Variants in ZNF385D observed in about 807,000 individuals in gnomAD.
The protein encoded by ZNF385D is zinc finger protein 659.
In ZNF385D, 15 loss-of-function variants were observed where a neutral mutation model predicts 35.8. The ratio of observed to expected loss-of-function variants is 0.42; its 90% CI spans 0.28 to 0.64. The LOEUF is 0.64. Ranked by LOEUF, ZNF385D falls within the 30% of genes least tolerant of loss-of-function variation. ZNF385D has a pLI of 0.23. For synonymous variants in ZNF385D, 212 were observed against 186.8 expected, an observed-to-expected ratio of 1.13 and a Z score of -1.10; for missense variants, 474 against 494.6, an observed-to-expected ratio of 0.96 and a Z score of 0.39.
At chr3:22,202,505 G>A (rs1696866243) in intron 2 of ZNF385D, among the ~76,000 whole-genome samples, 1 of 152,040 alleles carries the variant, frequency 6.6e-6, no homozygotes, top group South Asian at 2.1e-4. Context: ...ATGGCCAAAT[G>A]GAAGCTTCTA....
chr3:21,654,852 C>T (rs771175969), intron 2 of ZNF385D, among the ~76,000 whole-genome samples: 12 of 151,988 alleles, frequency 7.9e-5, no homozygotes, highest in Non-Finnish European at 1.8e-4. Flanking sequence ...TTGAGAAGTA[C>T]TGAGTCATGA....
Position 21,421,158 on chromosome 3 carries a change from GTTTTGTT to G in ZNF385D, c.*49_*55del, listed in dbSNP as rs1350710391. ...AACACTGCATAGTTCTCTTTTGTTT[GTTTTGTT>G]TTTTGTTTTTTGAAAAATTATTGCA... On this transcript the variant is annotated 3_prime_UTR_variant, in exon 8 of 8. Coordinates refer to ENST00000281523, the MANE Select transcript of ZNF385D (RefSeq NM_024697.3). The G allele has an allele frequency of 5.7e-6, 8 of 1,403,258 alleles. No individual in the cohort carries two copies. The Admixed American group carries it at 7.2e-5, about 13-fold the overall frequency. The allele number at this position is 1,403,258 out of a possible 1,614,324, so 86.9% of individuals were successfully genotyped here.
chr3:22,081,437 A>C (rs1700745630), intron 3 of ZNF385D, among the ~76,000 whole-genome samples: 1 of 152,238 alleles, frequency 6.6e-6, no homozygotes, highest in African/African-American at 2.4e-5. Flanking sequence ...ATATACTGTA[A>C]GCAAGTTTTT....
chr3:22,008,970 G>A (rs570852200), intron 3 of ZNF385D, among the ~76,000 whole-genome samples: 1 of 149,986 alleles, frequency 6.7e-6, no homozygotes, highest in Non-Finnish European at 1.5e-5. Context: ...ATGGAAGGAA[G>A]AAAATTATAA....
intron 5 of ZNF385D, among the ~76,000 whole-genome samples, chr3:21,429,427 C>A (rs56073446): frequency 0.06 from 9,137 of 151,878 alleles, 289 homozygotes; most frequent in African/African-American, 0.081. Context: ...TGTAATACAT[C>A]GAGATGATAT....
intron 2 of ZNF385D, among the ~76,000 whole-genome samples, chr3:22,324,377 C>T (rs1393040909): frequency 6.6e-6 from 1 of 152,028 alleles, no homozygotes; most frequent in Non-Finnish European, 1.5e-5. Context: ...GATATTTCAG[C>T]AAGGGGTCCA....
In ZNF385D at chr3:22,193,944, T is replaced by C. The variant is rs574474905; in HGVS notation, c.107-24909A>G. ...TTGAACTATTATCAGCATTAGGTAG[T>C]GCATTTTTTCCTTAATTTTGCTAGT... is the stretch of plus-strand genomic sequence containing the variant. On this transcript the variant is annotated intron_variant, in intron 2 of 5. Transcript: ENST00000494108. Among the ~76,000 whole-genome samples the C allele has an allele frequency of 4.6e-5, 7 of 152,138 alleles. No homozygotes were observed. The East Asian group carries it at 5.8e-4, about 13-fold the overall frequency.
intron 2 of ZNF385D, among the ~76,000 whole-genome samples, chr3:22,197,312 C>T (rs1309544181): frequency 6.6e-6 from 1 of 151,938 alleles, no homozygotes; most frequent in Non-Finnish European, 1.5e-5. Context: ...ATAGTTACAC[C>T]TGCATTAGAA....
rs561790990 is a variant in ZNF385D, at chr3:22,162,148, T to C, written c.325+6669A>G. Reference sequence around the variant, plus strand: ...CAGGTATCAAATGGAAAATAAGAGTTAAGGAAAGTATTAAATCGTGTTGCA... The same window carrying C: ...CAGGTATCAAATGGAAAATAAGAGTCAAGGAAAGTATTAAATCGTGTTGCA... On this transcript the variant is annotated intron_variant, in intron 3 of 5. Transcript: ENST00000494108. Among the ~76,000 whole-genome samples, 3 of 152,270 alleles carry C rather than the reference T, an allele frequency of 2.0e-5. No individual in the cohort carries two copies. In the South Asian group the frequency reaches 6.2e-4, roughly 32 times the overall value.
At chr3:21,812,401 G>A (rs773655099) in intron 3 of ZNF385D, among the ~76,000 whole-genome samples, 9 of 152,230 alleles carry the variant, frequency 5.9e-5, no homozygotes, top group Admixed American at 2.0e-4. Context: ...GCGGGGCACC[G>A]CCTCACCTCA....
chr3:22,186,706 A>AAT (rs908862748), intron 2 of ZNF385D, among the ~76,000 whole-genome samples: 2 of 152,054 alleles, frequency 1.3e-5, no homozygotes, highest in Non-Finnish European at 2.9e-5. Context: ...CATCTTACTT[A>AAT]ATTTCATGCT....
intron 2 of ZNF385D, among the ~76,000 whole-genome samples, chr3:22,280,710 AT>A (rs1432473685): frequency 1.3e-5 from 2 of 151,792 alleles, no homozygotes; most frequent in Admixed American, 6.6e-5. Context: ...ATGCCTCCAG[AT>A]TTGTTCTTCT....
In ZNF385D at chr3:21,420,223, C is replaced by A. The variant is rs1219233890; in HGVS notation, c.*991G>T. The A allele has an allele frequency of 5.9e-5, 9 of 152,156 alleles. No homozygotes were observed. Among genetic ancestry groups the A allele is most frequent in the Non-Finnish European group, 1.3e-4 (9 of 68,030 alleles). The allele number at this position is 152,156 out of a possible 1,614,324, so 9.4% of individuals were successfully genotyped here. A position where few individuals can be genotyped will look rare whatever the true frequency, so the allele number is the denominator to read the frequency against. On this transcript the variant is annotated 3_prime_UTR_variant, in exon 8 of 8. Coordinates refer to ENST00000281523, the MANE Select transcript of ZNF385D (RefSeq NM_024697.3). Reference sequence around the variant, plus strand: ...CTGGTATGATATAAAGGGGATACTGCAGAGATGCAACATTCTCCGTTTTTA... The same window carrying A: ...CTGGTATGATATAAAGGGGATACTGAAGAGATGCAACATTCTCCGTTTTTA...
chr3:22,006,563 T>C (rs1290606189), intron 3 of ZNF385D, among the ~76,000 whole-genome samples: 1 of 151,822 alleles, frequency 6.6e-6, no homozygotes, highest in African/African-American at 2.4e-5. Context: ...AAAAGTCGGA[T>C]CACAGATGGA....
Position 21,703,390 on chromosome 3 carries a change from T to C in ZNF385D, c.23-38362A>G, listed in dbSNP as rs146108119. On this transcript the variant is annotated intron_variant, in intron 1 of 7. Transcript: ENST00000281523. ...TATAACATGTGGGAATTCTGGGAGA[T>C]AGAATTCAGCTTGAGATTTGGGTGG... 4.2e-3 allele frequency among the ~76,000 whole-genome samples: 633 copies of C among 152,240 alleles called. 7 individuals carry two copies. Among genetic ancestry groups the C allele is most frequent in the African/African-American group, 0.014 (576 of 41,568 alleles).
At chr3:21,978,959 G>A (rs1347376852) in intron 3 of ZNF385D, among the ~76,000 whole-genome samples, 2 of 152,102 alleles carry the variant, frequency 1.3e-5, no homozygotes, top group South Asian at 4.2e-4. Context: ...ATCTAAAATT[G>A]GAAATTTAAA....
chr3:22,164,216 C>CT (rs571978176), intron 3 of ZNF385D, among the ~76,000 whole-genome samples: 1,989 of 74,888 alleles, frequency 0.027, 329 homozygotes, highest in East Asian at 0.052. Context: ...AAAAGGAGCA[C>CT]TTTTTTTTTT....
intron 2 of ZNF385D, among the ~76,000 whole-genome samples, chr3:21,645,874 G>C (rs1261296728): frequency 2.0e-5 from 3 of 152,126 alleles, no homozygotes; most frequent in African/African-American, 7.2e-5. Flanking sequence ...ATTATGTATA[G>C]AGAAAAACTG....
intron 3 of ZNF385D, among the ~76,000 whole-genome samples, chr3:21,934,675 C>G (rs770390797): frequency 8.5e-5 from 13 of 152,158 alleles, no homozygotes; most frequent in Non-Finnish European, 1.6e-4. Context: ...AAGAGGGACT[C>G]TTAGTGATAC....
Sources: gnomAD v4.1 joint callset for allele counts (sites outside exome capture counted in the v4.1 genomes callset) on GRCh38, gnomAD v4.1.1 for gene constraint, MANE v1.5 for transcripts, NCBI Gene and HGNC (gene_info 2026-07-23, HGNC 2026-07-21) for gene names.